HNF1A: variants seen among roughly 807,000 people sequenced by gnomAD.
HNF1A encodes the protein hepatocyte nuclear factor 1-alpha.
Under a neutral mutation model 62.2 loss-of-function variants are expected in HNF1A, and 21 were observed. The ratio of observed to expected loss-of-function variants is 0.34; its 90% CI spans 0.24 to 0.49. HNF1A has a LOEUF of 0.49. HNF1A is among the 20% of genes least tolerant of loss of function. The pLI is 0.99. For missense variants in HNF1A, 687 were observed against 832.3 expected, an observed-to-expected ratio of 0.83 and a Z score of 2.15; for synonymous variants, 374 against 366.8, an observed-to-expected ratio of 1.02 and a Z score of -0.22.
chr12:120,982,464 G>C (rs569350650), intron 1 of HNF1A, among the ~76,000 whole-genome samples: 2 of 151,850 alleles, frequency 1.3e-5, no homozygotes, highest in African/African-American at 4.8e-5. Context: ...GGCAGGAGGG[G>C]GGGGGGACAG....
intron 2 of HNF1A, among the ~76,000 whole-genome samples, chr12:120,992,192 A>C (rs1876874489): frequency 6.6e-6 from 1 of 152,176 alleles, no homozygotes; most frequent in Non-Finnish European, 1.5e-5. Flanking sequence ...AAGGGGCTCA[A>C]ATGAGGTTCA....
intron 2 of HNF1A, 29 bp downstream of exon 2, chr12:120,989,061 C>A: frequency 6.2e-7 from 1 of 1,608,258 alleles, no homozygotes; most frequent in South Asian, 1.1e-5. Context: ...CCGCATCTTC[C>A]CTGGGAGGGC....
intron 1 of HNF1A, among the ~76,000 whole-genome samples, chr12:120,988,533 A>G (rs1876647967): frequency 6.6e-6 from 1 of 152,192 alleles, no homozygotes; most frequent in Non-Finnish European, 1.5e-5. Context: ...CTGTGTATCC[A>G]TGTTTCTAAA....
intron 4 of HNF1A, among the ~76,000 whole-genome samples, chr12:120,995,774 C>A (rs1877066914): frequency 6.6e-6 from 1 of 152,044 alleles, no homozygotes; most frequent in Non-Finnish European, 1.5e-5. Flanking sequence ...GTCCTCTCCA[C>A]CCTTTACCAC....
At chr12:120,981,197 T>C (rs1876235248) in intron 1 of HNF1A, among the ~76,000 whole-genome samples, 1 of 152,112 alleles carries the variant, frequency 6.6e-6, no homozygotes, top group Non-Finnish European at 1.5e-5. Context: ...CCTGGGCCAT[T>C]GGGGAGGTTG....
At position 120,978,765 on chromosome 12, in the gene HNF1A, A is replaced by G. The variant is rs561269721; in HGVS notation, c.-4A>G. On this transcript the variant is annotated 5_prime_UTR_variant, in exon 1 of 10. Coordinates refer to ENST00000257555, the MANE Select transcript of HNF1A (RefSeq NM_000545.8). ...GGGCCGCGTGGCCCTGTGGCAGCCG[A>G]GCCATGGTTTCTAAACTGAGCCAGC... The G allele has an allele frequency of 3.6e-4, 582 of 1,612,498 alleles. 5 individuals carry two copies. The South Asian group carries it at 5.5e-3, about 15-fold the overall frequency.
chr12:120,997,659 C>G lies in HNF1A; in HGVS notation c.1495C>G (p.Pro499Ala), dbSNP rs750611971. 1.2e-5 allele frequency: 19 copies of G among 1,610,910 alleles called. No individual in the cohort carries two copies. Among genetic ancestry groups the G allele is most frequent in the Non-Finnish European group, 1.5e-5 (18 of 1,178,814 alleles). Residue 499 changes from proline (P) to alanine (A), a missense_variant, in exon 7 of 10, where the codon CCC becomes GCC. Pro to Ala is a conservative substitution (Grantham distance 27, BLOSUM62 -1). Transcript: ENST00000257555. ...GGCCACCATGGCTCAGCTGCAGAGC[C>G]CCCACGGTGAGCGCCCTGTGCCCCA... is the stretch of plus-strand genomic sequence containing the variant. ...FMATMAQLQS[P>A]HALYSHKPEV...
intron 1 of HNF1A, among the ~76,000 whole-genome samples, chr12:120,983,928 GTGTGTGTGTGTGTGTGTGTGTT>G (rs1466184649): frequency 6.6e-6 from 1 of 151,382 alleles, no homozygotes; most frequent in African/African-American, 2.4e-5. Flanking sequence ...GTGTGTGTGT[GTGTGTGTGTGTGTGTGTGTGTT>G]TGTGTAAGAG....
At chr12:120,989,318 T>C (rs1876695291) in intron 2 of HNF1A, among the ~76,000 whole-genome samples, 1 of 152,038 alleles carries the variant, frequency 6.6e-6, no homozygotes, top group Admixed American at 6.6e-5. Flanking sequence ...AGTTCAGTGG[T>C]GCGACCTCAG....
At chr12:120,993,819 G>A (rs910732949) in intron 3 of HNF1A, 113 bp downstream of exon 3, 18 of 1,139,524 alleles carry the variant, frequency 1.6e-5, no homozygotes. Context: ...GAGAACTCCT[G>A]ATATTGGCTT....
intron 1 of HNF1A, among the ~76,000 whole-genome samples, chr12:120,979,343 G>A (rs1876133060): frequency 6.6e-6 from 1 of 152,208 alleles, no homozygotes; most frequent in African/African-American, 2.4e-5. Context: ...CCTTGGGCAA[G>A]GGGGACATTT....
rs960126133 is a variant in HNF1A, at chr12:121,001,373, G to A, written c.*181G>A. On this transcript the variant is annotated 3_prime_UTR_variant, in exon 10 of 10. Transcript: ENST00000257555. ...GGAGGGCTCTGAGGCGCCCCAACCC[G>A]TGGAGGCTGCTCGGGGTGCACAGGA... is the stretch of plus-strand genomic sequence containing the variant. 3.0e-5 allele frequency: 22 copies of A among 737,994 alleles called. No homozygotes were observed. The East Asian group carries it at 3.3e-4, about 11-fold the overall frequency. 45.7% of individuals were successfully genotyped at this position (737,994 alleles called of 1,614,324 possible). A position where few individuals can be genotyped will look rare whatever the true frequency, so the allele number is the denominator to read the frequency against.
chr12:120,981,133 G>A (rs1176955653), intron 1 of HNF1A, among the ~76,000 whole-genome samples: 1 of 151,692 alleles, frequency 6.6e-6, no homozygotes, highest in Admixed American at 6.6e-5. Flanking sequence ...GGCCTCCAGC[G>A]TCAGGGTCAG....
intron 9 of HNF1A, chr12:121,000,827 G>A (rs1470704046): frequency 1.8e-6 from 1 of 558,942 alleles, no homozygotes; most frequent in African/African-American, 1.9e-5. Flanking sequence ...ATCTCACCGG[G>A]GCTTCTCCAG....
In HNF1A at chr12:120,990,596, T is replaced by TGATAGGAGAGGGAGGAAA. The variant is rs1565884376; in HGVS notation, c.526+1571_526+1572insGAGGGAGGAAAGATAGGA. ...CTCTAAAAAAGAAAGAAAGGAAAGA[T>TGATAGGAGAGGGAGGAAA]GATAGGAAAGGGAGGAAAGATAGGA... is the stretch of plus-strand genomic sequence containing the variant. On this transcript the variant is annotated intron_variant, in intron 2 of 9. Coordinates refer to ENST00000257555, the MANE Select transcript of HNF1A (RefSeq NM_000545.8). Among the ~76,000 whole-genome samples the TGATAGGAGAGGGAGGAAA allele has an allele frequency of 4.2e-3, 514 of 121,850 alleles. 2 individuals carry two copies. Among genetic ancestry groups the TGATAGGAGAGGGAGGAAA allele is most frequent in the Middle Eastern group, 0.016 (4 of 258 alleles). 79.9% of individuals were successfully genotyped at this position (121,850 alleles called of 152,430 possible).
Position 121,001,448 on chromosome 12 carries a change from G to A in HNF1A, c.*256G>A. 3.7e-6 allele frequency: 2 copies of A among 536,622 alleles called. No homozygotes were observed. The highest frequency in any genetic ancestry group is 3.1e-5 in the Admixed American group (1 of 31,794). The allele number at this position is 536,622 out of a possible 1,614,324, so 33.2% of individuals were successfully genotyped here. ...AAGCCTGTTCATGGCAGATGTAGGA[G>A]GGACTGTCGCTGCTTCGTGGGATAC... On this transcript the variant is annotated 3_prime_UTR_variant, in exon 10 of 10. Coordinates refer to ENST00000257555, the MANE Select transcript of HNF1A (RefSeq NM_000545.8).
chr12:120,994,034 G>C, intron 3 of HNF1A, 130 bp from the exon 4 acceptor site: 1 of 1,251,480 alleles, frequency 8.0e-7, no homozygotes, highest in South Asian at 1.3e-5. Context: ...AGCAGACCTG[G>C]CATTGGAACC....
Position 120,996,196 on chromosome 12 carries a change from G to GCTCA in HNF1A, c.956-66_956-65insCTCA. 6.3e-7 allele frequency: 1 copy of GCTCA among 1,587,524 alleles called. No homozygotes were observed. Among genetic ancestry groups the GCTCA allele is most frequent in the Non-Finnish European group, 8.6e-7 (1 of 1,158,994 alleles). ...AAACCAATGGAGTTTGAAGTGCTGA[G>GCTCA]GGCTGTGGAGGCAGGGGAGGGCAGG... On this transcript the variant is annotated intron_variant, in intron 4 of 9. Transcript: ENST00000257555. This position sits in a 1 kb window ranked among gnomAD's most constrained non-coding sequence, Gnocchi z 4.5.
rs1555210473 is a variant in HNF1A, at chr12:120,979,051, G to A, written c.283G>A (p.Glu95Lys). 1 of 1,612,258 alleles carries A rather than the reference G, an allele frequency of 6.2e-7. No homozygotes were observed. Among genetic ancestry groups the A allele is most frequent in the African/African-American group, 1.3e-5 (1 of 75,032 alleles). Residue 95 changes from glutamate to lysine, a missense_variant, in exon 1 of 10, where the codon GAG (glutamate) becomes AAG (lysine). Glu to Lys is a moderately conservative substitution (Grantham distance 56, BLOSUM62 1). Around this residue, in one of 5 missense-constraint regions of HNF1A, gnomAD observed 159 missense variants for 154.4 expected, o/e 1.03. Coordinates refer to ENST00000257555, the MANE Select transcript of HNF1A (RefSeq NM_000545.8). ...ILKELENLSPEEAAHQKAVVE... is the reference protein window; with the variant it reads ...ILKELENLSPKEAAHQKAVVE... ...CAAAGAGCTGGAGAACCTCAGCCCT[G>A]AGGAGGCGGCCCACCAGAAAGCCGT...
Sources: gnomAD v4.1 joint callset for allele counts (sites outside exome capture counted in the v4.1 genomes callset) on GRCh38, gnomAD v4.1.1 for gene constraint, gnomAD v4.1.1 regional missense constraint, Gnocchi (gnomAD v3.1) non-coding constraint, MANE v1.5 for transcripts, NCBI Gene and HGNC (gene_info 2026-07-23, HGNC 2026-07-21) for gene names.